Variants in UHRF2 observed in about 807,000 individuals in gnomAD.
The protein encoded by UHRF2 is ubiquitin like with PHD and ring finger domains 2, also known as E3 ubiquitin-protein ligase UHRF2.
A neutral mutation model predicts 96.8 loss-of-function variants in UHRF2; 23 were observed. The observed-to-expected ratio is 0.24, with a 90% confidence interval of 0.17 to 0.34. The LOEUF is 0.34. Ranked by LOEUF, UHRF2 falls within the 10% of genes least tolerant of loss-of-function variation. The probability of loss-of-function intolerance (pLI) is 1.00; values close to 1 mark genes in which losing one functional copy is unlikely to be tolerated. For synonymous variants in UHRF2, 385 were observed against 332.6 expected, an observed-to-expected ratio of 1.16 and a Z score of -1.72; for missense variants, 685 against 981.5, an observed-to-expected ratio of 0.70 and a Z score of 4.04.
At chr9:6,505,340 G>T (rs1440905822) in intron 15 of UHRF2, among the ~76,000 whole-genome samples, 2 of 151,992 alleles carry the variant, frequency 1.3e-5, no homozygotes, top group Non-Finnish European at 2.9e-5. Flanking sequence ...CTGTCGTTCA[G>T]GGTAGAGTGT....
chr9:6,482,924 C>G (rs936833815), intron 8 of UHRF2, among the ~76,000 whole-genome samples: 2 of 152,066 alleles, frequency 1.3e-5, no homozygotes, highest in Admixed American at 6.5e-5. Flanking sequence ...GGTACTTAGA[C>G]CTTTAATACA....
At chr9:6,476,483 G>A (rs1257463438) in intron 5 of UHRF2, among the ~76,000 whole-genome samples, 1 of 152,292 alleles carries the variant, frequency 6.6e-6, no homozygotes, top group African/African-American at 2.4e-5. Context: ...AGGTTAGAAT[G>A]CAGCTGTACC....
chr9:6,464,399 G>T (rs945052253), intron 4 of UHRF2, among the ~76,000 whole-genome samples: 1 of 152,036 alleles, frequency 6.6e-6, no homozygotes, highest in Non-Finnish European at 1.5e-5. Flanking sequence ...TTCTCCTTAC[G>T]ATGTTTGAAT....
At chr9:6,459,598 G>A (rs367659794) in intron 3 of UHRF2, among the ~76,000 whole-genome samples, 1 of 152,196 alleles carries the variant, frequency 6.6e-6, no homozygotes, top group East Asian at 1.9e-4. Flanking sequence ...GAACCCAGGA[G>A]GTGGAAGTGG....
intron 10 of UHRF2, chr9:6,495,136 C>G (rs916295117): frequency 6.6e-6 from 1 of 152,074 alleles, no homozygotes; most frequent in African/African-American, 2.4e-5. Flanking sequence ...CTTTAATAAT[C>G]GATAATTTTG....
intron 10 of UHRF2, chr9:6,494,283 G>A (rs1824840726): frequency 5.2e-6 from 1 of 194,042 alleles, no homozygotes; most frequent in South Asian, 1.4e-4. Flanking sequence ...CCTTTTTAGA[G>A]TAAACTCAGT....
At chr9:6,429,967 GT>G (rs1820477811) in intron 2 of UHRF2, among the ~76,000 whole-genome samples, 1 of 152,036 alleles carries the variant, frequency 6.6e-6, no homozygotes, top group South Asian at 2.1e-4. Context: ...CATACTTCAG[GT>G]TTTAAAAATA....
intron 3 of UHRF2, among the ~76,000 whole-genome samples, chr9:6,451,447 T>G (rs951696043): frequency 1.4e-5 from 2 of 147,482 alleles, no homozygotes; most frequent in Non-Finnish European, 3.0e-5. Flanking sequence ...CTATCTTGTT[T>G]CTTACCTAGT....
At chr9:6,494,731 A>G (rs1407484104) in intron 10 of UHRF2, 1 of 152,162 alleles carries the variant, frequency 6.6e-6, no homozygotes, top group African/African-American at 2.4e-5. Context: ...TATTTTGTCG[A>G]TTGAGTAAAA....
At chr9:6,457,657 T>C (rs1822262672) in intron 3 of UHRF2, among the ~76,000 whole-genome samples, 1 of 152,144 alleles carries the variant, frequency 6.6e-6, no homozygotes, top group Admixed American at 6.5e-5. Context: ...CATAAATAGC[T>C]CTTATTATTT....
At chr9:6,488,246 C>G (rs1363611220) in intron 9 of UHRF2, among the ~76,000 whole-genome samples, 1 of 92,332 alleles carries the variant, frequency 1.1e-5, no homozygotes, top group Non-Finnish European at 1.9e-5. Flanking sequence ...AAGACCCTGT[C>G]TCCTTAAAAA....
At position 6,475,418 on chromosome 9, in the gene UHRF2, C is replaced by T; in HGVS notation, c.891C>T (p.Cys297=). 1.3e-6 allele frequency: 2 copies of T among 1,576,432 alleles called. No homozygotes were observed. The highest frequency in any genetic ancestry group is 1.7e-6 in the Non-Finnish European group (2 of 1,160,656). The change falls in exon 5 of 16, where the codon TGC becomes TGT. Residue 297 remains cysteine, a synonymous_variant. Transcript: ENST00000276893. ...GTTCTGAAGGAACATTAAATGACTGCAAGATAATATCTGTAGATGAAATCT... is the reference window on the plus strand; with the variant it reads ...GTTCTGAAGGAACATTAAATGACTGTAAGATAATATCTGTAGATGAAATCT... ...LGGSEGTLND[C]KIISVDEIFK... is the part of the protein sequence containing the mutation.
intron 3 of UHRF2, among the ~76,000 whole-genome samples, chr9:6,439,588 T>C (rs1373725425): frequency 6.6e-6 from 1 of 152,254 alleles, no homozygotes; most frequent in Admixed American, 6.5e-5. Flanking sequence ...TAGATATTTA[T>C]AAGTTTTTTT....
rs553167042 is a variant in UHRF2, at chr9:6,459,338, A to G, written c.645-1235A>G. On this transcript the variant is annotated intron_variant, in intron 3 of 15. Coordinates refer to ENST00000276893, the MANE Select transcript of UHRF2 (RefSeq NM_152896.3). ...ATGGCAGAACTTGATGAACTTGTACAAAGATCAGAAAGAGGCCATCATCTA... is the reference window on the plus strand; with the variant it reads ...ATGGCAGAACTTGATGAACTTGTACGAAGATCAGAAAGAGGCCATCATCTA... 1.8e-4 allele frequency among the ~76,000 whole-genome samples: 28 copies of G among 152,342 alleles called. No homozygotes were observed. In the East Asian group the frequency reaches 5.4e-3, roughly 29 times the overall value.
chr9:6,489,724 T>G (rs1456386993), intron 9 of UHRF2, among the ~76,000 whole-genome samples: 1 of 139,882 alleles, frequency 7.1e-6, no homozygotes, highest in Non-Finnish European at 1.5e-5. Flanking sequence ...CTAATTGGGT[T>G]TTTGTTTTTT....
intron 2 of UHRF2, chr9:6,422,727 G>T: frequency 1.9e-6 from 1 of 519,742 alleles, no homozygotes; most frequent in Non-Finnish European, 3.6e-6. Context: ...TTCCTGCTCG[G>T]CCTCCCAAAG....
intron 9 of UHRF2, chr9:6,492,220 C>A: frequency 2.1e-6 from 1 of 474,626 alleles, no homozygotes; most frequent in Non-Finnish European, 3.4e-6. Flanking sequence ...GTTTTAAATA[C>A]TATTTAGCTT....
intron 3 of UHRF2, among the ~76,000 whole-genome samples, chr9:6,435,070 G>T (rs530044830): frequency 6.6e-6 from 1 of 151,504 alleles, no homozygotes; most frequent in African/African-American, 2.4e-5. Context: ...GTACAGTGAT[G>T]CAACCTCCAC....
intron 6 of UHRF2, among the ~76,000 whole-genome samples, chr9:6,480,414 A>C (rs1305234660): frequency 1.3e-5 from 2 of 152,260 alleles, no homozygotes; most frequent in Non-Finnish European, 2.9e-5. Flanking sequence ...GGAGGTTCTG[A>C]ACAAACCTGT....
Sources: allele counts gnomAD v4.1 joint callset (sites outside exome capture counted in the v4.1 genomes callset), GRCh38; gene constraint gnomAD v4.1.1; transcripts MANE v1.5; gene names NCBI Gene and HGNC (gene_info 2026-07-23, HGNC 2026-07-21).